The following CUX2 variants were observed in gnomAD, a reference collection of about 807,000 sequenced individuals.
CUX2 encodes cut like homeobox 2, also known as homeobox protein cut-like 2.
A neutral mutation model predicts 144.8 loss-of-function variants in CUX2; 40 were observed. That is an observed-to-expected ratio of 0.28 (90% CI 0.21 to 0.36). The LOEUF (loss-of-function observed/expected upper bound fraction) is 0.36. Ranked by LOEUF, CUX2 falls within the 10% of genes least tolerant of loss-of-function variation. The probability of loss-of-function intolerance (pLI) is 1.00; values close to 1 mark genes in which losing one functional copy is unlikely to be tolerated. For synonymous variants in CUX2, 827 were observed against 875.6 expected, an observed-to-expected ratio of 0.94 and a Z score of 0.98; for missense variants, 1,615 against 1,994.0, an observed-to-expected ratio of 0.81 and a Z score of 3.62.
chr12:111,319,883 A>G (rs990327021), intron 16 of CUX2, 129 bp from the exon 17 acceptor site: 2 of 1,324,656 alleles, frequency 1.5e-6, no homozygotes, highest in African/African-American at 1.6e-5. Flanking sequence ...TAGTTAGCCA[A>G]TCCCCAGTTG....
chr12:111,244,815 G>T lies in CUX2; in HGVS notation c.223-18946G>T, dbSNP rs555489226. 4.6e-5 allele frequency among the ~76,000 whole-genome samples: 7 copies of T among 152,268 alleles called. No homozygotes were observed. The East Asian group carries it at 1.3e-3, about 29-fold the overall frequency. ...TCCCCCAGGGTGTCAGGAAACCTCA[G>T]CCCATGTCATTGGTCATTAATGAAA... On this transcript the variant is annotated intron_variant, in intron 3 of 21. Transcript: ENST00000261726.
intron 3 of CUX2, among the ~76,000 whole-genome samples, chr12:111,243,775 T>C (rs73414565): frequency 0.061 from 9,246 of 152,046 alleles, 551 homozygotes; most frequent in African/African-American, 0.15. Flanking sequence ...GGTCTTGAGG[T>C]GCACAAATTT....
At chr12:111,266,224 C>T (rs1009955002) in intron 4 of CUX2, among the ~76,000 whole-genome samples, 4 of 152,130 alleles carry the variant, frequency 2.6e-5, no homozygotes, top group Admixed American at 1.3e-4. Flanking sequence ...AGCCTGTAAT[C>T]CCAGCACTTT....
intron 21 of CUX2, among the ~76,000 whole-genome samples, chr12:111,343,620 C>G (rs1389403641): frequency 6.6e-6 from 1 of 152,182 alleles, no homozygotes; most frequent in Non-Finnish European, 1.5e-5. Context: ...GACCTGAGTC[C>G]ATACCCTCTC....
chr12:111,139,378 C>A (rs192975654), intron 1 of CUX2, among the ~76,000 whole-genome samples: 6 of 152,244 alleles, frequency 3.9e-5, no homozygotes, highest in African/African-American at 1.4e-4. Context: ...TTCTGCCTCC[C>A]TGGCCTGGGA....
chr12:111,310,203 G>A lies in CUX2; in HGVS notation c.1421G>A (p.Arg474Gln), dbSNP rs772098004. ...CCCAGCTTGGGGCCTGACGGCACTC[G>A]GACTTTCTCGCTGTCCCCCTTCCCC... Reference protein sequence around the residue: ...LGPSLGPDGTRTFSLSPFPSL... With the variant: ...LGPSLGPDGTQTFSLSPFPSL... The change falls in exon 15 of 22, where the codon CGG becomes CAG. Residue 474 changes from arginine to glutamine, a missense_variant. This residue lies in a region of CUX2 where 154 missense variants were observed against 148.4 expected (regional missense o/e 1.04). Transcript: ENST00000261726. This position sits in a 1 kb window ranked among gnomAD's most constrained non-coding sequence, Gnocchi z 7.9. The A allele has an allele frequency of 2.4e-5, 36 of 1,521,624 alleles. No individual in the cohort carries two copies. Among genetic ancestry groups the A allele is most frequent in the Admixed American group, 1.5e-4 (7 of 45,192 alleles). The allele number at this position is 1,521,624 out of a possible 1,614,324, so 94.3% of individuals were successfully genotyped here.
intron 4 of CUX2, among the ~76,000 whole-genome samples, chr12:111,278,489 C>T (rs570947318): frequency 6.6e-6 from 1 of 152,304 alleles, no homozygotes; most frequent in African/African-American, 2.4e-5. Context: ...CATTATTCTG[C>T]CTGCCACAGA....
At chr12:111,090,843 G>C (rs961199385) in intron 1 of CUX2, among the ~76,000 whole-genome samples, 8 of 150,944 alleles carry the variant, frequency 5.3e-5, no homozygotes, top group Non-Finnish European at 1.5e-5. Context: ...TTTTTTAATT[G>C]TAAAAACCAG....
At chr12:111,153,747 A>T (rs898866689) in intron 1 of CUX2, among the ~76,000 whole-genome samples, 4 of 152,126 alleles carry the variant, frequency 2.6e-5, no homozygotes, top group Non-Finnish European at 5.9e-5. Flanking sequence ...ATCACTTACT[A>T]CTGATGGCCT....
intron 16 of CUX2, among the ~76,000 whole-genome samples, chr12:111,318,896 C>T (rs528054002): frequency 2.0e-5 from 3 of 151,942 alleles, no homozygotes; most frequent in Non-Finnish European, 4.4e-5. Context: ...AACTCCTAAA[C>T]TCAGACAATT....
intron 1 of CUX2, among the ~76,000 whole-genome samples, chr12:111,082,101 A>T (rs1871925856): frequency 6.6e-6 from 1 of 152,170 alleles, no homozygotes; most frequent in South Asian, 2.1e-4. Context: ...TAGAGAATGT[A>T]TCATTTTGCC....
intron 1 of CUX2, among the ~76,000 whole-genome samples, chr12:111,172,085 G>A (rs527544865): frequency 3.3e-5 from 5 of 151,944 alleles, no homozygotes; most frequent in Non-Finnish European, 5.9e-5. Flanking sequence ...GCACCTGTGC[G>A]TATGCATGTC....
intron 4 of CUX2, among the ~76,000 whole-genome samples, chr12:111,286,879 CAAT>C (rs1029956863): frequency 1.3e-5 from 2 of 152,052 alleles, no homozygotes; most frequent in Non-Finnish European, 2.9e-5. Context: ...TAAATAATAA[CAAT>C]AATAATAATT....
At chr12:111,196,779 G>A (rs777661289) in intron 1 of CUX2, among the ~76,000 whole-genome samples, 52 of 152,284 alleles carry the variant, frequency 3.4e-4, no homozygotes, top group Non-Finnish European at 6.3e-4. Context: ...AATTAACGTA[G>A]AAGTACTAAA....
At chr12:111,103,561 G>T (rs1873400871) in intron 1 of CUX2, among the ~76,000 whole-genome samples, 2 of 152,220 alleles carry the variant, frequency 1.3e-5, no homozygotes, top group Non-Finnish European at 1.5e-5. Context: ...GAGATGCCCT[G>T]TTGGGGCCAA....
intron 10 of CUX2, among the ~76,000 whole-genome samples, chr12:111,306,259 C>T (rs1886575046): frequency 6.6e-6 from 1 of 151,270 alleles, no homozygotes. Flanking sequence ...CATCCGCTTC[C>T]TGTTTTAATT....
intron 1 of CUX2, among the ~76,000 whole-genome samples, chr12:111,208,107 C>T (rs1401288729): frequency 6.6e-6 from 1 of 152,088 alleles, no homozygotes; most frequent in African/African-American, 2.4e-5. Context: ...GGTTTTAAAC[C>T]AGGAGGGACA....
chr12:111,231,096 A>T (rs925346780), intron 3 of CUX2, among the ~76,000 whole-genome samples: 1 of 152,196 alleles, frequency 6.6e-6, no homozygotes, highest in East Asian at 1.9e-4. Context: ...GTACAGTTCA[A>T]TGAGTTAAGT....
intron 1 of CUX2, among the ~76,000 whole-genome samples, chr12:111,166,767 A>G (rs1878170451): frequency 6.6e-6 from 1 of 152,242 alleles, no homozygotes; most frequent in Non-Finnish European, 1.5e-5. Flanking sequence ...GGGCGGGGGT[A>G]GCGGACACTG....
Sources: gnomAD v4.1 joint callset for allele counts (sites outside exome capture counted in the v4.1 genomes callset) on GRCh38, gnomAD v4.1.1 for gene constraint, gnomAD v4.1.1 regional missense constraint, Gnocchi (gnomAD v3.1) non-coding constraint, MANE v1.5 for transcripts, NCBI Gene and HGNC (gene_info 2026-07-23, HGNC 2026-07-21) for gene names.